The following STK32B variants were observed in gnomAD, a reference collection of about 807,000 sequenced individuals.
STK32B encodes serine/threonine kinase 32B.
STK32B carries 43 observed loss-of-function variants against 52.6 expected under a neutral mutation model. The observed-to-expected ratio is 0.82, with a 90% confidence interval of 0.64 to 1.05. STK32B has a LOEUF of 1.05. Among genes scored for constraint, STK32B ranks in the 50% least tolerant of loss-of-function variants. STK32B has a pLI of 0.00. For missense variants in STK32B, 621 were observed against 534.6 expected (o/e 1.16, Z -1.59); for synonymous variants, 238 against 204.3 (o/e 1.17, Z -1.41).
intron 3 of STK32B, among the ~76,000 whole-genome samples, chr4:5,324,561 T>C (rs1731749694): frequency 6.6e-6 from 1 of 152,142 alleles, no homozygotes; most frequent in African/African-American, 2.4e-5. Context: ...AGTAGGTGAT[T>C]GTGGTGGAGG....
At chr4:5,417,347 A>C (rs1264393073) in intron 6 of STK32B, among the ~76,000 whole-genome samples, 1 of 151,996 alleles carries the variant, frequency 6.6e-6, no homozygotes, top group Non-Finnish European at 1.5e-5. Context: ...TTTTTATGGG[A>C]TTATTGTTTT....
At chr4:5,414,294 T>C (rs1341355805) in intron 5 of STK32B, among the ~76,000 whole-genome samples, 1 of 152,008 alleles carries the variant, frequency 6.6e-6, no homozygotes, top group East Asian at 1.9e-4. Flanking sequence ...ACACAATATG[T>C]AATAATATCT....
intron 3 of STK32B, among the ~76,000 whole-genome samples, chr4:5,203,653 G>T (rs540266634): frequency 5.8e-4 from 89 of 152,218 alleles, no homozygotes; most frequent in African/African-American, 1.9e-3. Context: ...CTGATACGGC[G>T]CACAGTACTC....
At chr4:5,032,889 T>G in the STK32B span, among the ~76,000 whole-genome samples, 1 of 152,108 alleles carries the variant, frequency 6.6e-6, no homozygotes, top group Non-Finnish European at 1.5e-5. Context: ...AACCAGACAG[T>G]TGAACTCTCT....
intron 7 of STK32B, among the ~76,000 whole-genome samples, chr4:5,449,942 A>G (rs908452937): frequency 1.3e-5 from 2 of 152,224 alleles, no homozygotes; most frequent in East Asian, 1.9e-4. Flanking sequence ...ATTTAATTAT[A>G]TATTACAATA....
At chr4:5,155,660 A>G (rs968829677) in intron 2 of STK32B, among the ~76,000 whole-genome samples, 6 of 152,120 alleles carry the variant, frequency 3.9e-5, no homozygotes, top group Non-Finnish European at 7.4e-5. Flanking sequence ...TGTTCTCATG[A>G]TAGTGAATTC....
intron 6 of STK32B, among the ~76,000 whole-genome samples, chr4:5,439,405 T>C (rs1317496609): frequency 2.0e-5 from 3 of 152,042 alleles, no homozygotes; most frequent in Non-Finnish European, 4.4e-5. Flanking sequence ...TGTCTTCTTT[T>C]GAGAAATGTC....
At chr4:5,482,312 G>C (rs1460034278) in intron 11 of STK32B, among the ~76,000 whole-genome samples, 1 of 152,196 alleles carries the variant, frequency 6.6e-6, no homozygotes, top group Non-Finnish European at 1.5e-5. Flanking sequence ...TCCCTTGTAA[G>C]TTGGATTTCT....
intron 3 of STK32B, among the ~76,000 whole-genome samples, chr4:5,186,084 C>A (rs780361464): frequency 6.6e-6 from 1 of 152,104 alleles, no homozygotes; most frequent in African/African-American, 2.4e-5. Flanking sequence ...ATTCACTGGG[C>A]TCTTATTGGG....
intron 3 of STK32B, among the ~76,000 whole-genome samples, chr4:5,278,349 C>T (rs1348973731): frequency 1.3e-5 from 2 of 152,172 alleles, no homozygotes; most frequent in East Asian, 3.9e-4. Context: ...GATCAAGGAG[C>T]TGAGCTGGTC....
chr4:5,462,621 G>A (rs1163243742), intron 9 of STK32B, among the ~76,000 whole-genome samples: 1 of 152,162 alleles, frequency 6.6e-6, no homozygotes, highest in African/African-American at 2.4e-5. Context: ...GGACCCCTGG[G>A]AAGAAAACAG....
chr4:5,439,421 A>T (rs10022301), intron 6 of STK32B, among the ~76,000 whole-genome samples: 6,788 of 151,924 alleles, frequency 0.045, 502 homozygotes, highest in African/African-American at 0.16. Flanking sequence ...ATGTCTGTTC[A>T]TGTCCTTCGC....
intron 2 of STK32B, among the ~76,000 whole-genome samples, chr4:5,159,197 C>T (rs1215145025): frequency 6.6e-6 from 1 of 152,098 alleles, no homozygotes; most frequent in East Asian, 1.9e-4. Flanking sequence ...CAAGGGGGTG[C>T]CCCATGGTGC....
At chr4:5,351,346 A>G (rs752859789) in intron 4 of STK32B, among the ~76,000 whole-genome samples, 2 of 152,138 alleles carry the variant, frequency 1.3e-5, no homozygotes, top group South Asian at 2.1e-4. Context: ...AAATTAAACA[A>G]CATGCCCCTG....
At chr4:5,252,496 G>T (rs937976864) in intron 3 of STK32B, among the ~76,000 whole-genome samples, 1 of 152,164 alleles carries the variant, frequency 6.6e-6, no homozygotes, top group African/African-American at 2.4e-5. Context: ...TGCATTACTG[G>T]GAAGGCAGAT....
chr4:5,354,568 A>G (rs971548929), intron 4 of STK32B, among the ~76,000 whole-genome samples: 13 of 152,306 alleles, frequency 8.5e-5, no homozygotes, highest in Non-Finnish European at 1.9e-4. Context: ...CCTGGCCCCA[A>G]TGGAAGGTGT....
At chr4:5,060,167 C>T (rs1246910258) in intron 1 of STK32B, among the ~76,000 whole-genome samples, 4 of 152,072 alleles carry the variant, frequency 2.6e-5, no homozygotes, top group Non-Finnish European at 2.9e-5. Context: ...AGTTTTTCCA[C>T]GTTAGTCAGG....
At chr4:5,458,028 C>T (rs1716715570) in intron 8 of STK32B, among the ~76,000 whole-genome samples, 1 of 152,086 alleles carries the variant, frequency 6.6e-6, no homozygotes, top group African/African-American at 2.4e-5. Flanking sequence ...TGCTATTAGA[C>T]TAAAGCAGTG....
At chr4:5,150,665 A>C (rs989021054) in intron 2 of STK32B, among the ~76,000 whole-genome samples, 2 of 151,866 alleles carry the variant, frequency 1.3e-5, no homozygotes, top group African/African-American at 4.8e-5. Context: ...GTTATTTACC[A>C]CATTTGAGGC....
Sources: gnomAD v4.1 joint callset for allele counts (sites outside exome capture counted in the v4.1 genomes callset) on GRCh38, gnomAD v4.1.1 for gene constraint, MANE v1.5 for transcripts, NCBI Gene and HGNC (gene_info 2026-07-23, HGNC 2026-07-21) for gene names.